The following SPTLC1 variants were observed in gnomAD, a reference collection of about 807,000 sequenced individuals.
SPTLC1 encodes the protein serine palmitoyltransferase 1.
In SPTLC1, 55 loss-of-function variants were observed where a neutral mutation model predicts 68.9. That is an observed-to-expected ratio of 0.80 (90% confidence interval 0.64 to 1.00). The LOEUF is 1.00. SPTLC1 is among the 50% of genes least tolerant of loss of function. The pLI is 0.00. For synonymous variants in SPTLC1, 197 were observed against 201.6 expected (o/e 0.98, Z 0.19); for missense variants, 449 against 573.1 (o/e 0.78, Z 2.21).
At chr9:92,062,230 G>A (rs777602750) in intron 6 of SPTLC1, among the ~76,000 whole-genome samples, 4 of 152,054 alleles carry the variant, frequency 2.6e-5, no homozygotes, top group Non-Finnish European at 5.9e-5. Flanking sequence ...TGTTTGCTTT[G>A]GCAGCACATA....
intron 3 of SPTLC1, among the ~76,000 whole-genome samples, chr9:92,102,800 C>G (rs1030494470): frequency 5.9e-5 from 9 of 152,192 alleles, no homozygotes; most frequent in African/African-American, 2.2e-4. Context: ...AAGTTAACTT[C>G]TTACCTTTTA....
At chr9:92,065,581 T>C (rs1227203157) in intron 6 of SPTLC1, among the ~76,000 whole-genome samples, 1 of 152,050 alleles carries the variant, frequency 6.6e-6, no homozygotes, top group Non-Finnish European at 1.5e-5. Context: ...CCAGTAACCA[T>C]CAACTTTTTC....
intron 5 of SPTLC1, chr9:92,079,390 A>G (rs1834797958): frequency 2.0e-6 from 3 of 1,479,544 alleles, no homozygotes; most frequent in African/African-American, 1.4e-5. Flanking sequence ...CAATTATTTA[A>G]TAACATTTTC....
intron 12 of SPTLC1, among the ~76,000 whole-genome samples, chr9:92,044,311 G>A (rs925857897): frequency 7.2e-5 from 11 of 152,226 alleles, no homozygotes; most frequent in African/African-American, 2.4e-5. Context: ...CCGAGATGGA[G>A]CCATTCAAAG....
chr9:92,088,511 T>C (rs573470811), intron 3 of SPTLC1, among the ~76,000 whole-genome samples: 4 of 152,234 alleles, frequency 2.6e-5, no homozygotes, highest in Non-Finnish European at 5.9e-5. Flanking sequence ...AAGTCCTCCC[T>C]GATTTCATAG....
Position 92,032,190 on chromosome 9 carries a change from TAGTACTAAATGCAC to T in SPTLC1, c.*261_*274del. The T allele has an allele frequency of 8.6e-7, 1 of 1,166,248 alleles. No individual in the cohort carries two copies. The highest frequency in any genetic ancestry group is 1.2e-6 in the Non-Finnish European group (1 of 853,614). The allele number at this position is 1,166,248 out of a possible 1,614,324, so 72.2% of individuals were successfully genotyped here. A position where few individuals can be genotyped will look rare whatever the true frequency, so the allele number is the denominator to read the frequency against. Reference sequence around the variant, plus strand: ...ATACTAGTATAAGAAAACATTTAAATAGTACTAAATGCACAATTTAAACATCAGTTATACACTGT... The same window carrying T: ...ATACTAGTATAAGAAAACATTTAAATAATTTAAACATCAGTTATACACTGT... On this transcript the variant is annotated 3_prime_UTR_variant, in exon 15 of 15. Coordinates refer to ENST00000262554, the MANE Select transcript of SPTLC1 (RefSeq NM_006415.4).
chr9:92,049,360 G>A (rs774872120), intron 9 of SPTLC1, among the ~76,000 whole-genome samples: 2 of 152,048 alleles, frequency 1.3e-5, no homozygotes, highest in African/African-American at 4.8e-5. Flanking sequence ...GAGGCTCCAG[G>A]AGCAAAACCC....
chr9:92,112,371 T>G, intron 2 of SPTLC1, 84 bp downstream of exon 2: 1 of 992,480 alleles, frequency 1.0e-6, no homozygotes, highest in Admixed American at 1.8e-5. Flanking sequence ...ACACACATGG[T>G]TGAGCCACCA....
Position 92,031,893 on chromosome 9 carries a change from A to G in SPTLC1, c.*572T>C, listed in dbSNP as rs1332707763. The stretch of plus-strand genomic sequence containing the variant: ...TGTGTACAAAAGTTCTAAGATTCAA[A>G]TACAATGCAAAGTTTATAATAATCA... On this transcript the variant is annotated 3_prime_UTR_variant, in exon 15 of 15. Transcript: ENST00000262554. 5.8e-6 allele frequency: 1 copy of G among 173,708 alleles called. No individual in the cohort carries two copies. The highest frequency in any genetic ancestry group is 1.2e-5 in the Non-Finnish European group (1 of 82,014). 10.8% of individuals were successfully genotyped at this position (173,708 alleles called of 1,614,324 possible).
intron 5 of SPTLC1, chr9:92,079,784 C>T: frequency 1.5e-6 from 1 of 650,290 alleles, no homozygotes; most frequent in South Asian, 1.8e-5. Context: ...GCAATCCCCA[C>T]ACATGCACAC....
At chr9:92,076,311 C>CA (rs995373486) in intron 5 of SPTLC1, among the ~76,000 whole-genome samples, 6 of 152,194 alleles carry the variant, frequency 3.9e-5, no homozygotes, top group Admixed American at 3.3e-4. Flanking sequence ...CAAAGGACAC[C>CA]AAAAAACCTC....
At position 92,032,329 on chromosome 9, in the gene SPTLC1, T is replaced by C. The variant is rs1288792833; in HGVS notation, c.*136A>G. The C allele has an allele frequency of 4.5e-6, 7 of 1,553,030 alleles. No individual in the cohort carries two copies. Among genetic ancestry groups the C allele is most frequent in the Non-Finnish European group, 6.1e-6 (7 of 1,152,912 alleles). On this transcript the variant is annotated 3_prime_UTR_variant, in exon 15 of 15. Coordinates refer to ENST00000262554, the MANE Select transcript of SPTLC1 (RefSeq NM_006415.4). ...TTCTCATGGTCACACAATTGGTCCATACTGACACCATTTGGTAACAATCCT... is the reference window on the plus strand; with the variant it reads ...TTCTCATGGTCACACAATTGGTCCACACTGACACCATTTGGTAACAATCCT...
At chr9:92,107,061 C>T (rs1180260052) in intron 3 of SPTLC1, among the ~76,000 whole-genome samples, 1 of 152,156 alleles carries the variant, frequency 6.6e-6, no homozygotes, top group African/African-American at 2.4e-5. Context: ...CAACACACTT[C>T]TAATAAAAAA....
Position 92,038,342 on chromosome 9 carries a change from CCCA to C in SPTLC1, c.1157_1159del (p.Val386del). 1 of 1,613,632 alleles carries C rather than the reference CCCA, an allele frequency of 6.2e-7. No individual in the cohort carries two copies. Among genetic ancestry groups the C allele is most frequent in the South Asian group, 1.1e-5 (1 of 91,066 alleles). On this transcript the variant is annotated inframe_deletion, in exon 13 of 15. Transcript: ENST00000262554. ...GTGAAAGGCTGGAGAAAGGGACTCC[CCCA>C]CCACTTTTAATCCAGAAATGCTGAA...
At chr9:92,063,161 T>C (rs1026586705) in intron 6 of SPTLC1, among the ~76,000 whole-genome samples, 10 of 152,014 alleles carry the variant, frequency 6.6e-5, no homozygotes, top group African/African-American at 2.4e-4. Context: ...AGGCACAAAT[T>C]ACCAATACCA....
At chr9:92,080,189 C>G (rs1007289959) in intron 4 of SPTLC1, 101 bp from the exon 5 acceptor site, 1 of 886,250 alleles carries the variant, frequency 1.1e-6, no homozygotes, top group Non-Finnish European at 1.8e-6. Context: ...CCTTCCTCCT[C>G]CAACTCTAAC....
chr9:92,069,538 C>T (rs1192358168), intron 5 of SPTLC1, among the ~76,000 whole-genome samples: 1 of 152,152 alleles, frequency 6.6e-6, no homozygotes, highest in East Asian at 1.9e-4. Context: ...GCCGTGATTC[C>T]CTGTATCTGA....
chr9:92,107,689 T>C (rs1289818426), intron 3 of SPTLC1: 2 of 152,192 alleles, frequency 1.3e-5, no homozygotes, highest in African/African-American at 4.8e-5. Context: ...GAGGCGAAGC[T>C]TGCAGTGAGC....
intron 11 of SPTLC1, among the ~76,000 whole-genome samples, chr9:92,046,878 G>A (rs187075802): frequency 6.6e-6 from 1 of 152,238 alleles, no homozygotes; most frequent in Admixed American, 6.5e-5. Context: ...TACACCAATG[G>A]AACGTTTAGG....
Sources: gnomAD v4.1 joint callset for allele counts (sites outside exome capture counted in the v4.1 genomes callset) on GRCh38, gnomAD v4.1.1 for gene constraint, MANE v1.5 for transcripts, NCBI Gene and HGNC (gene_info 2026-07-23, HGNC 2026-07-21) for gene names.